The following HID1 variants were observed in gnomAD, a reference collection of about 807,000 sequenced individuals.
HID1 encodes the protein protein HID1.
Under a neutral mutation model 89.7 loss-of-function variants are expected in HID1, and 42 were observed. The ratio of observed to expected loss-of-function variants is 0.47; its 90% CI spans 0.37 to 0.61. HID1 has a LOEUF of 0.61. Ranked by LOEUF, HID1 falls within the 20% of genes least tolerant of loss-of-function variation. The pLI is 0.00. For synonymous variants in HID1, 442 were observed against 433.8 expected, an observed-to-expected ratio of 1.02 and a Z score of -0.24; for missense variants, 854 against 1,039.3, an observed-to-expected ratio of 0.82 and a Z score of 2.45.
rs773545812 is a variant in HID1 at position 74,972,686 on chromosome 17, C to T, written c.-30G>A. The T allele has an allele frequency of 1.8e-5, 28 of 1,526,090 alleles. No individual in the cohort carries two copies. In the Admixed American group the frequency reaches 2.0e-4, roughly 11 times the overall value. 94.5% of individuals were successfully genotyped at this position (1,526,090 alleles called of 1,614,324 possible). On this transcript the variant is annotated 5_prime_UTR_variant, in exon 1 of 19. Coordinates refer to ENST00000425042, the MANE Select transcript of HID1 (RefSeq NM_030630.3). The surrounding 1 kb of genome is among the most constrained non-coding windows in gnomAD (Gnocchi z 6.4). The stretch of plus-strand genomic sequence containing the variant: ...CTGGAGCCCGCTCCGGCCCGGCCCC[C>T]GCCCAGACTCCAACCCGGCTCCGGC...
At chr17:74,952,931 C>T in intron 16 of HID1, 75 bp downstream of exon 16, 2 of 1,210,226 alleles carry the variant, frequency 1.7e-6, no homozygotes, top group Non-Finnish European at 2.3e-6. Flanking sequence ...CCAAGGAGCC[C>T]CAACCCAGCT....
Position 74,962,215 on chromosome 17 carries a change from G to C in HID1, c.611+19C>G, listed in dbSNP as rs374658566. The C allele has an allele frequency of 2.5e-6, 4 of 1,586,588 alleles. No individual in the cohort carries two copies. The highest frequency in any genetic ancestry group is 1.7e-5 in the Admixed American group (1 of 59,146). Reference sequence around the variant, plus strand: ...GGGGTCCAGCTGCATTGAGGGCTCCGGGCCTGGGCGAAGCTCACCGGTTCA... The same window carrying C: ...GGGGTCCAGCTGCATTGAGGGCTCCCGGCCTGGGCGAAGCTCACCGGTTCA... On this transcript the variant is annotated intron_variant, in intron 5 of 18. Transcript: ENST00000425042. The surrounding 1 kb of genome is among the most constrained non-coding windows in gnomAD (Gnocchi z 4.3).
rs78932948 is a variant in HID1, at chr17:74,953,015, C to G, written c.2043G>C (p.Thr681=). ...TSSASGQWSP[T]PEWVLSWKSK... is the part of the protein sequence containing the mutation. The stretch of plus-strand genomic sequence containing the variant: ...CAGGGTCCCTCCTCACCCACTCTGG[C>G]GTTGGGCTCCACTGCCCACTGGCTG... The change falls in exon 16 of 19, where the codon ACG becomes ACC. Residue 681 remains threonine (T), a synonymous_variant. Transcript: ENST00000425042. 6.2e-7 allele frequency: 1 copy of G among 1,606,508 alleles called. No homozygotes were observed. Among genetic ancestry groups the G allele is most frequent in the Non-Finnish European group, 8.5e-7 (1 of 1,177,414 alleles).
chr17:74,964,761 C>T, intron 1 of HID1, 129 bp from the exon 2 acceptor site: 1 of 916,904 alleles, frequency 1.1e-6, no homozygotes. Flanking sequence ...GTCCCAGAGC[C>T]ATCCCACATG....
chr17:74,964,356 T>A, intron 2 of HID1, 127 bp downstream of exon 2: 1 of 1,053,120 alleles, frequency 9.5e-7, no homozygotes, highest in East Asian at 2.6e-5. Context: ...CACAGAGAAG[T>A]GGAAGAGCTG....
intron 6 of HID1, chr17:74,961,641 G>A (rs922762185): frequency 4.7e-5 from 15 of 319,978 alleles, no homozygotes; most frequent in Non-Finnish European, 8.5e-5. Flanking sequence ...TGGACAGGCG[G>A]CTCTTGATGG....
chr17:74,953,015 C>T lies in HID1; in HGVS notation c.2043G>A (p.Thr681=), dbSNP rs78932948. The T allele has an allele frequency of 1.4e-3, 2,188 of 1,606,506 alleles. 17 individuals carry two copies. In the African/African-American group the frequency reaches 0.024, roughly 18 times the overall value. ...TSSASGQWSP[T]PEWVLSWKSK... is the part of the protein sequence containing the mutation. ...CAGGGTCCCTCCTCACCCACTCTGGCGTTGGGCTCCACTGCCCACTGGCTG... is the reference window on the plus strand; with the variant it reads ...CAGGGTCCCTCCTCACCCACTCTGGTGTTGGGCTCCACTGCCCACTGGCTG... Residue 681 remains threonine, a synonymous_variant, in exon 16 of 19, where the codon ACG becomes ACA. Transcript: ENST00000425042.
Position 74,951,955 on chromosome 17 carries a change from C to T in HID1, c.2253G>A (p.Ser751=), listed in dbSNP as rs899673930. 7.0e-6 allele frequency: 11 copies of T among 1,561,278 alleles called. No homozygotes were observed. The Admixed American group carries it at 1.8e-4, about 25-fold the overall frequency. The change falls in exon 18 of 19, where the codon TCG becomes TCA. Residue 751 remains serine (S), a synonymous_variant. Coordinates refer to ENST00000425042, the MANE Select transcript of HID1 (RefSeq NM_030630.3). ...PILIRKYQAN[S]GTAMWFRTYM... ...AGGTGCGGAACCACATGGCAGTGCC[C>T]GAGTTGGCCTGGTACTTGCGGATGA...
At position 74,953,125 on chromosome 17, in the gene HID1, G is replaced by C. The variant is rs59811819; in HGVS notation, c.1972-39C>G. ...AGGAACAGGGGTGAGGGATGGTGGC[G>C]GTGGGTGAGGGGTGGAGTGGGGGGC... On this transcript the variant is annotated intron_variant, in intron 15 of 18. Transcript: ENST00000425042. 1.5e-5 allele frequency: 23 copies of C among 1,509,182 alleles called. 1 individual carries two copies. Among genetic ancestry groups the C allele is most frequent in the Non-Finnish European group, 2.1e-5 (23 of 1,108,624 alleles). 93.5% of individuals were successfully genotyped at this position (1,509,182 alleles called of 1,614,324 possible).
intron 13 of HID1, 115 bp from the exon 14 acceptor site, chr17:74,954,480 G>C: frequency 6.6e-7 from 1 of 1,524,458 alleles, no homozygotes. Flanking sequence ...TCTGCCCAAG[G>C]GGTTGGAGAT....
intron 15 of HID1, among the ~76,000 whole-genome samples, chr17:74,953,332 G>T (rs1296085982): frequency 6.6e-6 from 1 of 152,184 alleles, no homozygotes; most frequent in Non-Finnish European, 1.5e-5. Flanking sequence ...TGAAGGCCAA[G>T]GGCTTCACCG....
intron 14 of HID1, 32 bp downstream of exon 14, chr17:74,954,106 C>G: frequency 6.4e-7 from 1 of 1,551,010 alleles, no homozygotes; most frequent in East Asian, 2.3e-5. Flanking sequence ...ACACCAGTAT[C>G]CACACTCCTG....
chr17:74,964,679 G>A (rs1270473530), intron 1 of HID1, 47 bp from the exon 2 acceptor site: 1 of 1,573,558 alleles, frequency 6.4e-7, no homozygotes, highest in South Asian at 1.2e-5. Context: ...CTGGCCAGAG[G>A]GCCTACACTT....
chr17:74,965,492 TTACTACTCCA>T (rs2039549268), intron 1 of HID1, among the ~76,000 whole-genome samples: 1 of 152,138 alleles, frequency 6.6e-6, no homozygotes, highest in African/African-American at 2.4e-5. Flanking sequence ...ACACCTGCAT[TTACTACTCCA>T]GGACTCCACC....
chr17:74,960,043 C>A lies in HID1; in HGVS notation c.934G>T (p.Ala312Ser). Residue 312 changes from alanine to serine, a missense_variant, in exon 7 of 19, where the codon GCC (alanine) becomes TCC (serine). Ala to Ser is a moderately conservative substitution (Grantham distance 99, BLOSUM62 1). Coordinates refer to ENST00000425042, the MANE Select transcript of HID1 (RefSeq NM_030630.3). ...PTVDGTTTGT[A>S]MDDADPPGPE... Reference sequence around the variant, plus strand: ...ATCCTTACATCGGCATCATCCATGGCGGTGCCAGTGGTGGTGCCGTCCACA... The same window carrying A: ...ATCCTTACATCGGCATCATCCATGGAGGTGCCAGTGGTGGTGCCGTCCACA... The A allele has an allele frequency of 6.2e-7, 1 of 1,613,374 alleles. No homozygotes were observed. Among genetic ancestry groups the A allele is most frequent in the Non-Finnish European group, 8.5e-7 (1 of 1,179,780 alleles).
chr17:74,958,303 G>A lies in HID1; in HGVS notation c.1392+24C>T. 1.2e-6 allele frequency: 2 copies of A among 1,611,474 alleles called. No individual in the cohort carries two copies. ...AGGACACCACCCCTGCACCTCCTGG[G>A]CCCGGCCGCACGAGCCCCCTCACCA... On this transcript the variant is annotated intron_variant, in intron 11 of 18. Coordinates refer to ENST00000425042, the MANE Select transcript of HID1 (RefSeq NM_030630.3). This position sits in a 1 kb window ranked among gnomAD's most constrained non-coding sequence, Gnocchi z 5.2.
rs141799560 is a variant in HID1 at position 74,962,244 on chromosome 17, C to T, written c.601G>A (p.Asp201Asn). The T allele has an allele frequency of 7.7e-5, 123 of 1,607,478 alleles. No homozygotes were observed. The highest frequency in any genetic ancestry group is 7.1e-4 in the African/African-American group (53 of 74,952). Residue 201 changes from aspartate to asparagine, a missense_variant, in exon 5 of 19, where the codon GAT (aspartate) becomes AAT (asparagine). Asp to Asn is a conservative substitution (Grantham distance 23). Coordinates refer to ENST00000425042, the MANE Select transcript of HID1 (RefSeq NM_030630.3). The surrounding 1 kb of genome is among the most constrained non-coding windows in gnomAD (Gnocchi z 4.3). ...AHSPQPNYIHDMNRMELLKLL... is the reference protein window; with the variant it reads ...AHSPQPNYIHNMNRMELLKLL... ...CTGGGCGAAGCTCACCGGTTCATAT[C>T]GTGGATGTAGTTAGGCTGGGGGGAG...
Position 74,951,166 on chromosome 17 carries a change from G to T in HID1, c.*404C>A, listed in dbSNP as rs1598612215. On this transcript the variant is annotated 3_prime_UTR_variant, in exon 19 of 19. Coordinates refer to ENST00000425042, the MANE Select transcript of HID1 (RefSeq NM_030630.3). ...GGAAGCACCCCCTTACCCTGTCCAG[G>T]CACCTCAAGGGACAGCCCGTGGTTC... 5.1e-6 allele frequency: 1 copy of T among 194,456 alleles called. No homozygotes were observed. Among genetic ancestry groups the T allele is most frequent in the East Asian group, 1.3e-4 (1 of 7,428 alleles). 12.0% of individuals were successfully genotyped at this position (194,456 alleles called of 1,614,324 possible). A position where few individuals can be genotyped will look rare whatever the true frequency, so the allele number is the denominator to read the frequency against.
chr17:74,955,457 C>T (rs1005188291), intron 13 of HID1, among the ~76,000 whole-genome samples: 4 of 151,794 alleles, frequency 2.6e-5, no homozygotes, highest in South Asian at 2.1e-4. Flanking sequence ...GCCAAGATCG[C>T]GCCACTGCAC....
Sources: gnomAD v4.1 joint callset for allele counts (sites outside exome capture counted in the v4.1 genomes callset) on GRCh38, gnomAD v4.1.1 for gene constraint, Gnocchi (gnomAD v3.1) non-coding constraint, MANE v1.5 for transcripts, NCBI Gene and HGNC (gene_info 2026-07-23, HGNC 2026-07-21) for gene names.